PDGFC: variants seen among roughly 807,000 people sequenced by gnomAD.
The protein encoded by PDGFC is platelet-derived growth factor C.
A neutral mutation model predicts 35.5 loss-of-function variants in PDGFC; 12 were observed. The observed-to-expected ratio is 0.34, with a 90% CI of 0.22 to 0.55. The LOEUF is 0.55. Among genes scored for constraint, PDGFC ranks in the 20% least tolerant of loss-of-function variants. The pLI, the probability that PDGFC is intolerant of heterozygous loss-of-function variation, is 0.91. For missense variants in PDGFC, 322 were observed against 412.4 expected, an observed-to-expected ratio of 0.78 and a Z score of 1.90; for synonymous variants, 159 against 148.8, an observed-to-expected ratio of 1.07 and a Z score of -0.50.
intron 1 of PDGFC, among the ~76,000 whole-genome samples, chr4:156,860,272 T>C (rs545086610): frequency 1.6e-4 from 25 of 152,296 alleles, no homozygotes; most frequent in Admixed American, 3.9e-4. Context: ...AGACTGGACA[T>C]TGTCAGATGC....
intron 1 of PDGFC, among the ~76,000 whole-genome samples, chr4:156,936,431 T>C (rs76117095): frequency 0.021 from 3,224 of 152,230 alleles, 116 homozygotes; most frequent in African/African-American, 0.074. Flanking sequence ...ATACAATTAG[T>C]TGGTTTAATA....
chr4:156,930,451 G>A (rs2110874010), intron 1 of PDGFC, among the ~76,000 whole-genome samples: 1 of 152,238 alleles, frequency 6.6e-6, no homozygotes, highest in East Asian at 1.9e-4. Flanking sequence ...AGAATGAATT[G>A]TTTACACTAC....
At chr4:156,908,972 G>A (rs1234766293) in intron 1 of PDGFC, among the ~76,000 whole-genome samples, 4 of 152,150 alleles carry the variant, frequency 2.6e-5, no homozygotes, top group African/African-American at 4.8e-5. Context: ...AGGGAAAGGA[G>A]AAGTCACAAA....
Position 156,851,439 on chromosome 4 carries a change from T to C in PDGFC, c.119-1023A>G, listed in dbSNP as rs752982348. The stretch of plus-strand genomic sequence containing the variant: ...ATGAAATGCTAAAATATACTGTTAA[T>C]AATATCTCTCCTCCTTTTTATTAAA... On this transcript the variant is annotated intron_variant, in intron 1 of 5. Coordinates refer to ENST00000502773, the MANE Select transcript of PDGFC (RefSeq NM_016205.3). 3.4e-4 allele frequency among the ~76,000 whole-genome samples: 52 copies of C among 152,320 alleles called. 1 individual carries two copies. Among genetic ancestry groups the C allele is most frequent in the South Asian group, 2.7e-3 (13 of 4,832 alleles).
At chr4:156,948,241 G>A (rs968200640) in intron 1 of PDGFC, among the ~76,000 whole-genome samples, 2 of 145,882 alleles carry the variant, frequency 1.4e-5, no homozygotes, top group African/African-American at 5.0e-5. Flanking sequence ...AGGAAAAGAC[G>A]AAAACCCCAT....
In PDGFC at chr4:156,802,626, C is replaced by T. The variant is rs551500892; in HGVS notation, c.495+8211G>A. Among the ~76,000 whole-genome samples, 4 of 151,722 alleles carry T rather than the reference C, an allele frequency of 2.6e-5. No individual in the cohort carries two copies. The South Asian group carries it at 8.4e-4, about 32-fold the overall frequency. On this transcript the variant is annotated intron_variant, in intron 3 of 5. Transcript: ENST00000502773. ...ACAAAACATATATATTAGATATATA[C>T]AATGCCAAATATCTCAGTGTTAATC...
intron 1 of PDGFC, among the ~76,000 whole-genome samples, chr4:156,965,421 A>G (rs1732442540): frequency 6.6e-6 from 1 of 152,168 alleles, no homozygotes; most frequent in South Asian, 2.1e-4. Context: ...ATAATAAATT[A>G]ATTAATTAAT....
At chr4:156,824,325 T>TATATACACATATACAC (rs1313538089) in intron 2 of PDGFC, among the ~76,000 whole-genome samples, 44 of 109,572 alleles carry the variant, frequency 4.0e-4, no homozygotes, top group African/African-American at 1.7e-3. Context: ...TATATATATA[T>TATATACACATATACAC]ATACACACAC....
At chr4:156,963,949 T>C (rs1444216979) in intron 1 of PDGFC, among the ~76,000 whole-genome samples, 1 of 147,942 alleles carries the variant, frequency 6.8e-6, no homozygotes, top group East Asian at 2.0e-4. Context: ...TTCAAGTTTA[T>C]AGCTATGAAT....
At chr4:156,827,978 T>C (rs1383713945) in intron 2 of PDGFC, among the ~76,000 whole-genome samples, 3 of 152,194 alleles carry the variant, frequency 2.0e-5, no homozygotes, top group Non-Finnish European at 2.9e-5. Flanking sequence ...TCCTGGACTT[T>C]GCAAGGCCTC....
chr4:156,926,734 G>T (rs1388916236), intron 1 of PDGFC, among the ~76,000 whole-genome samples: 1 of 152,170 alleles, frequency 6.6e-6, no homozygotes, highest in Non-Finnish European at 1.5e-5. Context: ...CCTCCCTCCT[G>T]GCTGACTTTG....
At chr4:156,952,439 A>G (rs1036621246) in intron 1 of PDGFC, among the ~76,000 whole-genome samples, 2 of 152,016 alleles carry the variant, frequency 1.3e-5, no homozygotes. Context: ...GAAAGTGTGG[A>G]GTTTTTTTGT....
intron 3 of PDGFC, among the ~76,000 whole-genome samples, chr4:156,787,768 G>A (rs2110869692): frequency 6.6e-6 from 1 of 152,238 alleles, no homozygotes; most frequent in South Asian, 2.1e-4. Flanking sequence ...GTCACTGGGA[G>A]GAAAGTCAGT....
chr4:156,846,344 A>C (rs1729325091), intron 2 of PDGFC, among the ~76,000 whole-genome samples: 1 of 151,834 alleles, frequency 6.6e-6, no homozygotes, highest in Non-Finnish European at 1.5e-5. Flanking sequence ...CATTCTGGCC[A>C]ATATATTTAA....
chr4:156,900,813 T>C (rs1474427046), intron 1 of PDGFC, among the ~76,000 whole-genome samples: 1 of 150,128 alleles, frequency 6.7e-6, no homozygotes, highest in South Asian at 2.1e-4. Context: ...CCAGCCTGAG[T>C]GACAGAGAGA....
At chr4:156,810,371 A>G (rs1433190525) in intron 3 of PDGFC, among the ~76,000 whole-genome samples, 1 of 151,960 alleles carries the variant, frequency 6.6e-6, no homozygotes, top group Non-Finnish European at 1.5e-5. Context: ...TTTATAACAT[A>G]CACAATTTAT....
intron 1 of PDGFC, among the ~76,000 whole-genome samples, chr4:156,960,291 A>G (rs1037393826): frequency 6.9e-6 from 1 of 144,052 alleles, no homozygotes; most frequent in Admixed American, 6.8e-5. Context: ...TAAATTTGGA[A>G]TATCTCTACA....
In PDGFC at chr4:156,913,599, G is replaced by A. The variant is rs183643809; in HGVS notation, c.118+57187C>T. Among the ~76,000 whole-genome samples the A allele has an allele frequency of 6.0e-3, 911 of 152,212 alleles. 5 individuals are homozygous for A. The highest frequency in any genetic ancestry group is 9.7e-3 in the Non-Finnish European group (658 of 68,010). On this transcript the variant is annotated intron_variant, in intron 1 of 5. Coordinates refer to ENST00000502773, the MANE Select transcript of PDGFC (RefSeq NM_016205.3). ...TTCCCTCCCTCTCTTGAGGCTTCGC[G>A]CCAAATCTGTCTCCTGAATTAGAAT...
intron 1 of PDGFC, among the ~76,000 whole-genome samples, chr4:156,866,456 A>C (rs1036460883): frequency 6.6e-6 from 1 of 152,112 alleles, no homozygotes; most frequent in African/African-American, 2.4e-5. Context: ...GACATAATTA[A>C]AATCTTTCAC....
Sources: allele counts gnomAD v4.1 joint callset (sites outside exome capture counted in the v4.1 genomes callset), GRCh38; gene constraint gnomAD v4.1.1; transcripts MANE v1.5; gene names NCBI Gene and HGNC (gene_info 2026-07-23, HGNC 2026-07-21).